The following KCNH7 variants were observed in gnomAD, a reference collection of about 807,000 sequenced individuals.
The protein encoded by KCNH7 is voltage-gated inwardly rectifying potassium channel KCNH7.
A neutral mutation model predicts 120.8 loss-of-function variants in KCNH7; 49 were observed. The ratio of observed to expected loss-of-function variants is 0.41; its 90% CI spans 0.32 to 0.51. The LOEUF is 0.51. Ranked by LOEUF, KCNH7 falls within the 20% of genes least tolerant of loss-of-function variation. The pLI, the probability that KCNH7 is intolerant of heterozygous loss-of-function variation, is 0.38. For missense variants in KCNH7, 1,097 were observed against 1,446.6 expected, an observed-to-expected ratio of 0.76 and a Z score of 3.92; for synonymous variants, 547 against 516.1, an observed-to-expected ratio of 1.06 and a Z score of -0.81.
intron 2 of KCNH7, among the ~76,000 whole-genome samples, chr2:162,663,667 A>G (rs1442262824): frequency 6.6e-6 from 1 of 152,076 alleles, no homozygotes; most frequent in Non-Finnish European, 1.5e-5. Flanking sequence ...AGGGAAAAGC[A>G]TTCTGAATAA....
At chr2:162,387,598 C>T (rs1441096746) in intron 12 of KCNH7, among the ~76,000 whole-genome samples, 4 of 151,494 alleles carry the variant, frequency 2.6e-5, no homozygotes, top group Admixed American at 1.3e-4. Flanking sequence ...AAAGTCTTGC[C>T]TGTTTAATTC....
intron 2 of KCNH7, among the ~76,000 whole-genome samples, chr2:162,623,412 G>A (rs1024285377): frequency 6.6e-6 from 1 of 151,966 alleles, no homozygotes; most frequent in Non-Finnish European, 1.5e-5. Context: ...TTTATACTTT[G>A]GCTAAGATTT....
intron 2 of KCNH7, among the ~76,000 whole-genome samples, chr2:162,817,111 T>C (rs1684942104): frequency 6.6e-6 from 1 of 152,180 alleles, no homozygotes; most frequent in Non-Finnish European, 1.5e-5. Flanking sequence ...TGCAAATTTA[T>C]ACAATGTGTT....
chr2:162,622,221 G>T (rs1018981492), intron 2 of KCNH7, among the ~76,000 whole-genome samples: 1 of 152,102 alleles, frequency 6.6e-6, no homozygotes, highest in Non-Finnish European at 1.5e-5. Context: ...TGATCAGCTC[G>T]GCATTCACAT....
At chr2:162,703,118 T>G (rs1328738572) in intron 2 of KCNH7, among the ~76,000 whole-genome samples, 1 of 152,112 alleles carries the variant, frequency 6.6e-6, no homozygotes, top group African/African-American at 2.4e-5. Flanking sequence ...ATGAGTAGTT[T>G]TAATATTTAA....
intron 2 of KCNH7, among the ~76,000 whole-genome samples, chr2:162,725,968 GCA>G (rs1297940460): frequency 1.3e-5 from 2 of 152,110 alleles, no homozygotes; most frequent in Non-Finnish European, 2.9e-5. Context: ...CAAAACAAAT[GCA>G]CAGTCACGAT....
At chr2:162,473,186 G>T (rs575460169) in intron 6 of KCNH7, among the ~76,000 whole-genome samples, 2 of 151,656 alleles carry the variant, frequency 1.3e-5, no homozygotes, top group African/African-American at 4.8e-5. Context: ...AAACCGGCAC[G>T]TTGTGCACAT....
chr2:162,536,244 T>C lies in KCNH7; in HGVS notation c.463+681A>G, dbSNP rs1198733276. Among the ~76,000 whole-genome samples the C allele has an allele frequency of 3.3e-5, 5 of 152,050 alleles. No individual in the cohort carries two copies. The South Asian group carries it at 6.2e-4, about 19-fold the overall frequency. ...TTTTCTAGGTAAGCTATTTGCAGCTTACATTATAAATTGACAAGATAGAGA... is the reference window on the plus strand; with the variant it reads ...TTTTCTAGGTAAGCTATTTGCAGCTCACATTATAAATTGACAAGATAGAGA... On this transcript the variant is annotated intron_variant, in intron 3 of 15. Transcript: ENST00000332142.
rs577208306 is a variant in KCNH7 at position 162,832,405 on chromosome 2, T to G, written c.307+4132A>C. On this transcript the variant is annotated intron_variant, in intron 2 of 15. Transcript: ENST00000332142. Reference sequence around the variant, plus strand: ...AATTTTAACTAAACTTCATTGCTTCTTTAATACATTATTATGTATACATGA... The same window carrying G: ...AATTTTAACTAAACTTCATTGCTTCGTTAATACATTATTATGTATACATGA... Among the ~76,000 whole-genome samples the G allele has an allele frequency of 2.0e-5, 3 of 152,266 alleles. No individual in the cohort carries two copies. In the East Asian group the frequency reaches 5.8e-4, roughly 29 times the overall value.
intron 4 of KCNH7, among the ~76,000 whole-genome samples, chr2:162,515,271 T>C (rs1691240642): frequency 6.6e-6 from 1 of 151,760 alleles, no homozygotes. Flanking sequence ...CAAATGTTTA[T>C]GTATAGCACC....
chr2:162,487,721 G>A (rs1312019089), intron 6 of KCNH7, among the ~76,000 whole-genome samples: 1 of 152,128 alleles, frequency 6.6e-6, no homozygotes, highest in African/African-American at 2.4e-5. Flanking sequence ...GGGGGAAAAT[G>A]TATTACCCAC....
intron 2 of KCNH7, among the ~76,000 whole-genome samples, chr2:162,820,456 A>C (rs759393743): frequency 1.3e-5 from 2 of 152,082 alleles, no homozygotes; most frequent in Non-Finnish European, 2.9e-5. Flanking sequence ...TTAGGTGTGA[A>C]AGGTATAATT....
At position 162,559,717 on chromosome 2, in the gene KCNH7, A is replaced by T. The variant is rs150236632; in HGVS notation, c.308-22637T>A. ...GAAAAGAGCTGAGACCAGTGAAATG[A>T]TATCTCACATTGATGGGGTAAGGTG... On this transcript the variant is annotated intron_variant, in intron 2 of 15. Transcript: ENST00000332142. Among the ~76,000 whole-genome samples, 40 of 152,352 alleles carry T rather than the reference A, an allele frequency of 2.6e-4. No homozygotes were observed. The East Asian group carries it at 6.2e-3, about 24-fold the overall frequency.
chr2:162,577,760 T>A (rs1290686897), intron 2 of KCNH7, among the ~76,000 whole-genome samples: 1 of 152,044 alleles, frequency 6.6e-6, no homozygotes, highest in Non-Finnish European at 1.5e-5. Context: ...TCACTTCATT[T>A]ATTTTTTTCT....
chr2:162,375,363 C>A (rs757603313), intron 14 of KCNH7, among the ~76,000 whole-genome samples: 1 of 152,148 alleles, frequency 6.6e-6, no homozygotes, highest in Non-Finnish European at 1.5e-5. Context: ...CAAACAGCAG[C>A]TGTCTCTGAG....
Position 162,517,801 on chromosome 2 carries a change from G to A in KCNH7, c.821C>T (p.Ser274Phe). The A allele has an allele frequency of 2.5e-6, 4 of 1,606,614 alleles. No individual in the cohort carries two copies. Among genetic ancestry groups the A allele is most frequent in the Non-Finnish European group, 2.6e-6 (3 of 1,174,094 alleles). ...GAATCCTTCTATATCATGGACCGAA[G>A]ATGCTCTCCGTATACTACATAAGCT... is the stretch of plus-strand genomic sequence containing the variant. The part of the protein sequence containing the change: ...RESLCSIRRA[S>F]SVHDIEGFGV... The change falls in exon 4 of 16, where the codon TCT becomes TTT. Residue 274 changes from serine to phenylalanine, a missense_variant. Ser to Phe is a radical substitution (Grantham distance 155). This residue lies in a region of KCNH7 where 362 missense variants were observed against 372.2 expected (regional missense o/e 0.97). Coordinates refer to ENST00000332142, the MANE Select transcript of KCNH7 (RefSeq NM_033272.4).
intron 6 of KCNH7, among the ~76,000 whole-genome samples, chr2:162,479,031 T>C (rs1689838509): frequency 6.6e-6 from 1 of 151,804 alleles, no homozygotes; most frequent in Non-Finnish European, 1.5e-5. Context: ...TTCACAGAAA[T>C]CACGAGGGAG....
At chr2:162,396,053 C>T (rs763920733) in intron 11 of KCNH7, among the ~76,000 whole-genome samples, 8 of 151,622 alleles carry the variant, frequency 5.3e-5, no homozygotes, top group East Asian at 3.9e-4. Context: ...TTGGTTACAA[C>T]GTAAGTTTTA....
chr2:162,715,052 A>T (rs532331996), intron 2 of KCNH7, among the ~76,000 whole-genome samples: 14 of 152,192 alleles, frequency 9.2e-5, no homozygotes, highest in Non-Finnish European at 1.9e-4. Context: ...TTTGAAGTAC[A>T]CTATTTCATC....
Sources: allele counts gnomAD v4.1 joint callset (sites outside exome capture counted in the v4.1 genomes callset), GRCh38; gene constraint gnomAD v4.1.1; regional missense constraint gnomAD v4.1.1; transcripts MANE v1.5; gene names NCBI Gene and HGNC (gene_info 2026-07-23, HGNC 2026-07-21).